Variants in RERE observed in about 807,000 individuals in gnomAD.
RERE encodes arginine-glutamic acid dipeptide repeats, also known as arginine-glutamic acid dipeptide repeats protein.
RERE carries 40 observed loss-of-function variants against 146.1 expected under a neutral mutation model. The ratio of observed to expected loss-of-function variants is 0.27; its 90% CI spans 0.21 to 0.36. RERE has a LOEUF of 0.36. RERE is among the 10% of genes least tolerant of loss of function. The pLI is 1.00. For synonymous variants in RERE, 1,003 were observed against 866.0 expected (o/e 1.16, Z -2.78); for missense variants, 1,933 against 2,138.7 (o/e 0.90, Z 1.90).
intron 1 of RERE, among the ~76,000 whole-genome samples, chr1:8,802,688 C>T (rs1409091764): frequency 6.6e-6 from 1 of 152,186 alleles, no homozygotes; most frequent in African/African-American, 2.4e-5. Flanking sequence ...CATGTCTCAT[C>T]TTTCCCATTA....
At position 8,355,472 on chromosome 1, in the gene RERE, A is replaced by G; in HGVS notation, c.4614T>C (p.His1538=). 1 of 1,612,834 alleles carries G rather than the reference A, an allele frequency of 6.2e-7. No individual in the cohort carries two copies. Among genetic ancestry groups the G allele is most frequent in the South Asian group, 1.1e-5 (1 of 91,064 alleles). ...GGCCACCATGCATGTGGGGGTGTCC[A>G]TGCAGCCACTGCTGCTCCATGGCCA... The part of the protein sequence containing the change: ...QRLAMEQQWL[H]GHPHMHGGHL... The change falls in exon 22 of 23, where the codon CAT becomes CAC. Residue 1538 remains histidine (H), a synonymous_variant. Transcript: ENST00000400908.
intron 8 of RERE, among the ~76,000 whole-genome samples, chr1:8,501,744 C>A (rs867473027): frequency 6.8e-4 from 60 of 87,638 alleles, no homozygotes; most frequent in African/African-American, 1.1e-3. Flanking sequence ...CCAGCCGCCC[C>A]GTCCGGGAGG....
intron 1 of RERE, among the ~76,000 whole-genome samples, chr1:8,772,645 C>T (rs370458153): frequency 6.6e-6 from 1 of 151,884 alleles, no homozygotes; most frequent in African/African-American, 2.4e-5. Context: ...GGCATGGTGG[C>T]GGGCACCTGT....
chr1:8,559,635 T>C (rs913703358), intron 4 of RERE, among the ~76,000 whole-genome samples: 3 of 152,216 alleles, frequency 2.0e-5, no homozygotes, highest in Non-Finnish European at 1.5e-5. Flanking sequence ...CAGGGGATTA[T>C]GGATGTGCTA....
chr1:8,694,089 T>C (rs953210559), intron 1 of RERE, among the ~76,000 whole-genome samples: 7 of 148,826 alleles, frequency 4.7e-5, no homozygotes, highest in East Asian at 1.9e-4. Context: ...CACTTTTAGT[T>C]CTCCTTTTCC....
At chr1:8,634,977 C>T (rs558382796) in intron 2 of RERE, among the ~76,000 whole-genome samples, 4 of 152,312 alleles carry the variant, frequency 2.6e-5, no homozygotes, top group South Asian at 4.1e-4. Flanking sequence ...CCTCGTGATC[C>T]GCCTGCCTCA....
chr1:8,711,065 G>T (rs1639656976), intron 1 of RERE, among the ~76,000 whole-genome samples: 1 of 148,522 alleles, frequency 6.7e-6, no homozygotes, highest in Non-Finnish European at 1.5e-5. Context: ...GCTGAGGCAG[G>T]AGAATCACTT....
At chr1:8,737,232 T>C (rs1640219048) in intron 1 of RERE, among the ~76,000 whole-genome samples, 1 of 152,196 alleles carries the variant, frequency 6.6e-6, no homozygotes, top group Non-Finnish European at 1.5e-5. Context: ...GGGCAGTGCT[T>C]TGGTAAACCA....
intron 7 of RERE, chr1:8,512,890 CT>C (rs1360393899): frequency 9.2e-5 from 14 of 152,626 alleles, no homozygotes; most frequent in African/African-American, 3.4e-4. Flanking sequence ...AGACCCCCAT[CT>C]TCTGTGACTT....
chr1:8,654,426 C>A (rs530762917), intron 2 of RERE, among the ~76,000 whole-genome samples: 13 of 152,080 alleles, frequency 8.5e-5, no homozygotes, highest in Non-Finnish European at 1.9e-4. Context: ...AACAGCATTC[C>A]TCAGTAAAAT....
rs755996174 is a variant in RERE, at chr1:8,757,714, G to A, written c.-145+59446C>T. On this transcript the variant is annotated intron_variant, in intron 1 of 22. Coordinates refer to ENST00000400908, the MANE Select transcript of RERE (RefSeq NM_001042681.2). ...CTAGTCAGCCTTTTTTCACTCTAAA[G>A]TATTAAATTCAACCAAAAAGCCAAA... Among the ~76,000 whole-genome samples the A allele has an allele frequency of 1.3e-4, 20 of 151,952 alleles. 1 individual carries two copies. In the South Asian group the frequency reaches 2.3e-3, roughly 17 times the overall value.
At chr1:8,621,745 T>TTTC (rs1212777864) in intron 3 of RERE, among the ~76,000 whole-genome samples, 1 of 152,236 alleles carries the variant, frequency 6.6e-6, no homozygotes, top group Non-Finnish European at 1.5e-5. Context: ...TCAAATTCAA[T>TTTC]TTCTTCTTCT....
At position 8,605,771 on chromosome 1, in the gene RERE, A is replaced by C. The variant is rs866766387; in HGVS notation, c.522+8790T>G. Reference sequence around the variant, plus strand: ...AAAAAAAAAAAAAAAAAAAAAAAAAACCCCTAAAAAAAGTGATAATAGATT... The same window carrying C: ...AAAAAAAAAAAAAAAAAAAAAAAAACCCCCTAAAAAAAGTGATAATAGATT... On this transcript the variant is annotated intron_variant, in intron 4 of 22. Coordinates refer to ENST00000400908, the MANE Select transcript of RERE (RefSeq NM_001042681.2). Among the ~76,000 whole-genome samples the C allele has an allele frequency of 8.4e-3, 1,164 of 138,292 alleles. 6 individuals carry two copies. The highest frequency in any genetic ancestry group is 0.012 in the Non-Finnish European group (805 of 64,650). The allele number at this position is 138,292 out of a possible 152,430, so 90.7% of individuals were successfully genotyped here. A position where few individuals can be genotyped will look rare whatever the true frequency, so the allele number is the denominator to read the frequency against.
At chr1:8,790,470 G>A (rs1005235922) in intron 1 of RERE, among the ~76,000 whole-genome samples, 4 of 152,198 alleles carry the variant, frequency 2.6e-5, no homozygotes, top group Admixed American at 6.5e-5. Context: ...ACAGCCTAGA[G>A]TTTAATAAAG....
chr1:8,458,691 C>A (rs549747063), intron 11 of RERE, among the ~76,000 whole-genome samples: 1 of 151,962 alleles, frequency 6.6e-6, no homozygotes, highest in Non-Finnish European at 1.5e-5. Context: ...AAAAAAGTAC[C>A]GGTTAAAGAC....
At chr1:8,386,788 G>A (rs1462381240) in intron 12 of RERE, among the ~76,000 whole-genome samples, 2 of 151,968 alleles carry the variant, frequency 1.3e-5, no homozygotes, top group African/African-American at 2.4e-5. Flanking sequence ...AGAAGACAAA[G>A]GTTTTGAAAT....
At chr1:8,661,226 G>A (rs1557464858) in intron 1 of RERE, among the ~76,000 whole-genome samples, 2 of 152,248 alleles carry the variant, frequency 1.3e-5, no homozygotes, top group South Asian at 4.1e-4. Context: ...AAAAGTGCAA[G>A]GTCCAGAAGC....
At chr1:8,411,078 A>G (rs1165924724) in intron 12 of RERE, among the ~76,000 whole-genome samples, 4 of 152,262 alleles carry the variant, frequency 2.6e-5, no homozygotes, top group African/African-American at 7.2e-5. Flanking sequence ...AATAATAACT[A>G]GAACAGAGTA....
At chr1:8,500,006 G>T (rs1367050524) in intron 8 of RERE, among the ~76,000 whole-genome samples, 2 of 152,230 alleles carry the variant, frequency 1.3e-5, no homozygotes, top group African/African-American at 4.8e-5. Flanking sequence ...TATAGTGCCA[G>T]CTACTTGGGA....
Sources: gnomAD v4.1 joint callset for allele counts (sites outside exome capture counted in the v4.1 genomes callset) on GRCh38, gnomAD v4.1.1 for gene constraint, MANE v1.5 for transcripts, NCBI Gene and HGNC (gene_info 2026-07-23, HGNC 2026-07-21) for gene names.